ANKRD31: variants seen among roughly 807,000 people sequenced by gnomAD.
ANKRD31 encodes the protein ankyrin repeat domain-containing protein 31.
Under a neutral mutation model 186.0 loss-of-function variants are expected in ANKRD31, and 147 were observed. The observed-to-expected ratio is 0.79, with a 90% CI of 0.69 to 0.91. The LOEUF is 0.91. Ranked by LOEUF, ANKRD31 falls within the 40% of genes least tolerant of loss-of-function variation. The pLI is 0.00. For missense variants in ANKRD31, 1,986 were observed against 2,148.8 expected (o/e 0.92, Z 1.50); for synonymous variants, 673 against 736.4 (o/e 0.91, Z 1.39).
intron 10 of ANKRD31, among the ~76,000 whole-genome samples, 176 bp downstream of exon 10, chr5:75,188,317 C>T (rs532354044): frequency 6.6e-6 from 1 of 152,300 alleles, no homozygotes; most frequent in South Asian, 2.1e-4. Context: ...CCAGTCTTCT[C>T]ACCCTGCCCT....
intron 17 of ANKRD31, among the ~76,000 whole-genome samples, chr5:75,126,620 T>C (rs1012244377): frequency 7.2e-5 from 11 of 152,190 alleles, no homozygotes; most frequent in African/African-American, 2.7e-4. Flanking sequence ...GGTGGTCCAA[T>C]ACTTTGTAAA....
chr5:75,121,087 G>A (rs1222749422), intron 17 of ANKRD31, among the ~76,000 whole-genome samples: 1 of 151,866 alleles, frequency 6.6e-6, no homozygotes, highest in African/African-American at 2.4e-5. Context: ...GGAGGCTGAG[G>A]CAGGAGAATC....
chr5:75,179,835 C>CA (rs1354539525), intron 10 of ANKRD31, among the ~76,000 whole-genome samples: 4 of 152,134 alleles, frequency 2.6e-5, no homozygotes, highest in Admixed American at 6.5e-5. Context: ...GACAGGGATG[C>CA]CCTCTCTCAC....
At chr5:75,201,456 T>C (rs1029818880) in intron 5 of ANKRD31, among the ~76,000 whole-genome samples, 1 of 152,188 alleles carries the variant, frequency 6.6e-6, no homozygotes, top group African/African-American at 2.4e-5. Context: ...CATCTTCAAC[T>C]ACCTTTGGAA....
At chr5:75,092,003 G>A (rs908403592) in intron 22 of ANKRD31, among the ~76,000 whole-genome samples, 46 of 152,198 alleles carry the variant, frequency 3.0e-4, no homozygotes, top group Non-Finnish European at 1.9e-4. Context: ...CCCCTCCACC[G>A]AATGCTCAGC....
At position 75,236,698 on chromosome 5, in the gene ANKRD31, A is replaced by G. The variant is rs1561561026; in HGVS notation, c.-12T>C. On this transcript the variant is annotated 5_prime_UTR_variant, in exon 1 of 26. The change abolishes an upstream ATG in the 5' untranslated region. Coordinates refer to ENST00000506364, the MANE Select transcript of ANKRD31 (RefSeq NM_001372053.1). ...ACGCCTTCCTCCATCTTTGCCTCACATTCAAAGTCTTTTTTACCCTCCTCT... is the reference window on the plus strand; with the variant it reads ...ACGCCTTCCTCCATCTTTGCCTCACGTTCAAAGTCTTTTTTACCCTCCTCT... 6.5e-7 allele frequency: 1 copy of G among 1,534,696 alleles called. No individual in the cohort carries two copies. The highest frequency in any genetic ancestry group is 8.7e-7 in the Non-Finnish European group (1 of 1,145,268).
At position 75,147,150 on chromosome 5, in the gene ANKRD31, G is replaced by A; in HGVS notation, c.2261C>T (p.Ser754Phe). The A allele has an allele frequency of 2.0e-6, 3 of 1,536,280 alleles. No homozygotes were observed. The highest frequency in any genetic ancestry group is 1.7e-4 in the Middle Eastern group (1 of 5,978). The change falls in exon 14 of 26, where the codon TCT becomes TTT. Residue 754 changes from serine to phenylalanine, a missense_variant. Transcript: ENST00000506364. ...CAATCTGTTTATTCTCCTGGAAGGA[G>A]AGACAGCTAGTATCTTTCTTGGATT... Reference protein sequence around the residue: ...DCNPRKILAVSPSRRINRLVT... With the variant: ...DCNPRKILAVFPSRRINRLVT...
At position 75,084,253 on chromosome 5, in the gene ANKRD31, A is replaced by T. The variant is rs1213780778; in HGVS notation, c.5575+19T>A. 2.7e-6 allele frequency: 4 copies of T among 1,503,586 alleles called. No individual in the cohort carries two copies. In the Admixed American group the frequency reaches 7.9e-5, roughly 30 times the overall value. 93.1% of individuals were successfully genotyped at this position (1,503,586 alleles called of 1,614,324 possible). A position where few individuals can be genotyped will look rare whatever the true frequency, so the allele number is the denominator to read the frequency against. On this transcript the variant is annotated intron_variant, in intron 24 of 25. Transcript: ENST00000506364. ...TGTTTTATCCCACAACGAAGAAATG[A>T]GTGTTGTTCTGTACATACCTGGAAG...
intron 6 of ANKRD31, 136 bp from the exon 7 acceptor site, chr5:75,196,336 T>C (rs1224562609): frequency 2.0e-5 from 13 of 652,540 alleles, no homozygotes; most frequent in African/African-American, 1.9e-4. Context: ...TTCCCTTCCA[T>C]AAATAAAGGG....
intron 6 of ANKRD31, among the ~76,000 whole-genome samples, chr5:75,196,695 G>C (rs1755490623): frequency 6.6e-6 from 1 of 152,080 alleles, no homozygotes; most frequent in African/African-American, 2.4e-5. Flanking sequence ...AAGGACAAGA[G>C]GTCAGAGGGA....
At chr5:75,219,391 C>A (rs1355033162) in intron 3 of ANKRD31, among the ~76,000 whole-genome samples, 1 of 151,854 alleles carries the variant, frequency 6.6e-6, no homozygotes, top group Non-Finnish European at 1.5e-5. Flanking sequence ...TTCACAATTG[C>A]CAAAACAACA....
intron 12 of ANKRD31, 60 bp from the exon 13 acceptor site, chr5:75,148,688 T>G (rs1751652467): frequency 7.7e-7 from 1 of 1,306,306 alleles, no homozygotes. Context: ...TTTAGACTTC[T>G]AAAACCCACC....
intron 25 of ANKRD31, among the ~76,000 whole-genome samples, chr5:75,071,028 C>T (rs559670611): frequency 6.6e-6 from 1 of 152,260 alleles, no homozygotes; most frequent in African/African-American, 2.4e-5. Context: ...AAATTCTGTT[C>T]CAAAACTGTA....
intron 16 of ANKRD31, 68 bp downstream of exon 16, chr5:75,138,778 G>T (rs983865153): frequency 6.8e-7 from 1 of 1,468,714 alleles, no homozygotes; most frequent in Non-Finnish European, 9.1e-7. Context: ...GGAGGGGGCA[G>T]GAGGTGTTGA....
chr5:75,204,290 T>C (rs2150270136), intron 5 of ANKRD31, among the ~76,000 whole-genome samples: 1 of 152,332 alleles, frequency 6.6e-6, no homozygotes, highest in East Asian at 1.9e-4. Context: ...GTAATTCTTA[T>C]TCTGATACCT....
intron 15 of ANKRD31, among the ~76,000 whole-genome samples, chr5:75,141,403 C>A (rs1477932): frequency 0.51 from 77,125 of 151,750 alleles, 22,657 homozygotes; most frequent in African/African-American, 0.82. Context: ...AATTATATCT[C>A]AGATTGCAGG....
At chr5:75,119,489 C>T (rs534286194) in intron 17 of ANKRD31, among the ~76,000 whole-genome samples, 1 of 152,268 alleles carries the variant, frequency 6.6e-6, no homozygotes, top group Non-Finnish European at 1.5e-5. Context: ...CTTATTTATC[C>T]AATTCACCAA....
chr5:75,230,067 C>CTGTG (rs367620881), intron 2 of ANKRD31, among the ~76,000 whole-genome samples: 2 of 150,962 alleles, frequency 1.3e-5, no homozygotes, highest in East Asian at 3.9e-4. Context: ...ATCTGTGTGT[C>CTGTG]TGTGTGTGTG....
intron 1 of ANKRD31, among the ~76,000 whole-genome samples, chr5:75,230,837 T>C (rs1039396001): frequency 2.0e-5 from 3 of 152,332 alleles, no homozygotes; most frequent in Admixed American, 2.0e-4. Flanking sequence ...ACTCATCATG[T>C]TAATTTTACA....
Sources: allele counts gnomAD v4.1 joint callset (sites outside exome capture counted in the v4.1 genomes callset), GRCh38; gene constraint gnomAD v4.1.1; transcripts MANE v1.5; gene names NCBI Gene and HGNC (gene_info 2026-07-23, HGNC 2026-07-21).